The following STX18 variants were observed in gnomAD, a reference collection of about 807,000 sequenced individuals.
STX18 encodes syntaxin-18.
STX18 carries 40 observed loss-of-function variants against 50.1 expected under a neutral mutation model. The ratio of observed to expected loss-of-function variants is 0.80; its 90% CI spans 0.62 to 1.04. The LOEUF (loss-of-function observed/expected upper bound fraction) is 1.04, where lower values mean the gene tolerates loss of function less well. Among genes scored for constraint, STX18 ranks in the 50% least tolerant of loss-of-function variants. The pLI, the probability that STX18 is intolerant of heterozygous loss-of-function variation, is 0.00. For synonymous variants in STX18, 158 were observed against 151.8 expected (o/e 1.04, Z -0.30); for missense variants, 410 against 415.8 (o/e 0.99, Z 0.12).
intron 1 of STX18, among the ~76,000 whole-genome samples, chr4:4,491,416 A>G (rs980061713): frequency 2.0e-4 from 31 of 152,146 alleles, no homozygotes; most frequent in African/African-American, 7.5e-4. Context: ...CTAACGTAGG[A>G]AAAAGGATAT....
intron 1 of STX18, among the ~76,000 whole-genome samples, chr4:4,527,103 G>A (rs904035819): frequency 1.3e-5 from 2 of 152,128 alleles, no homozygotes; most frequent in African/African-American, 4.8e-5. Context: ...AGTACCCCAC[G>A]ACGCCTTCAT....
chr4:4,486,981 G>C (rs1445584285), intron 1 of STX18, among the ~76,000 whole-genome samples: 1 of 152,082 alleles, frequency 6.6e-6, no homozygotes, highest in African/African-American at 2.4e-5. Context: ...CAAAAGCTAT[G>C]AATCTGATCT....
At chr4:4,522,744 G>A (rs531110150) in intron 1 of STX18, among the ~76,000 whole-genome samples, 1 of 152,058 alleles carries the variant, frequency 6.6e-6, no homozygotes, top group Non-Finnish European at 1.5e-5. Context: ...CAAAGTCAGA[G>A]GTAAAATTAA....
intron 5 of STX18, among the ~76,000 whole-genome samples, chr4:4,451,393 G>A (rs761932727): frequency 7.2e-5 from 11 of 152,198 alleles, no homozygotes; most frequent in African/African-American, 1.4e-4. Flanking sequence ...AGATTTCAGC[G>A]TGGCTCTTAT....
chr4:4,431,636 C>G (rs1171932834), intron 7 of STX18, among the ~76,000 whole-genome samples: 1 of 152,198 alleles, frequency 6.6e-6, no homozygotes, highest in Non-Finnish European at 1.5e-5. Context: ...ATAGACACCT[C>G]TCATGAATGT....
At chr4:4,453,714 T>A (rs939681081) in intron 5 of STX18, 2 of 970,238 alleles carry the variant, frequency 2.1e-6, no homozygotes, top group African/African-American at 3.5e-5. Context: ...AATATCATAG[T>A]ACTATAATTT....
At chr4:4,468,587 C>T (rs1727746141) in intron 2 of STX18, among the ~76,000 whole-genome samples, 1 of 151,996 alleles carries the variant, frequency 6.6e-6, no homozygotes, top group African/African-American at 2.4e-5. Flanking sequence ...AGCCTGGGCT[C>T]GGTTACATTA....
intron 1 of STX18, among the ~76,000 whole-genome samples, chr4:4,506,694 T>C (rs529022164): frequency 2.0e-5 from 3 of 152,346 alleles, no homozygotes; most frequent in South Asian, 2.1e-4. Context: ...ACTATGTTTT[T>C]TCTATACATA....
In STX18 at chr4:4,434,802, C is replaced by T. The variant is rs141662322; in HGVS notation, c.670G>A (p.Glu224Lys). The change falls in exon 7 of 11, where the codon GAA becomes AAA. Residue 224 changes from glutamate (E) to lysine (K), a missense_variant. By Grantham distance (56) the Glu-to-Lys change is moderately conservative (BLOSUM62 1). Coordinates refer to ENST00000306200, the MANE Select transcript of STX18 (RefSeq NM_016930.4). Reference sequence around the variant, plus strand: ...ATTTCTTCTGGGGATAACTCATCTTCGCCTTTGCCATCTCCCCACGTTCCC... The same window carrying T: ...ATTTCTTCTGGGGATAACTCATCTTTGCCTTTGCCATCTCCCCACGTTCCC... ...ELGTWGDGKGEDELSPEEIQM... is the reference protein window; with the variant it reads ...ELGTWGDGKGKDELSPEEIQM... 10 of 1,606,710 alleles carry T rather than the reference C, an allele frequency of 6.2e-6. No individual in the cohort carries two copies. The highest frequency in any genetic ancestry group is 5.4e-5 in the African/African-American group (4 of 74,490).
At chr4:4,469,960 C>T (rs1316998820) in intron 2 of STX18, among the ~76,000 whole-genome samples, 2 of 152,130 alleles carry the variant, frequency 1.3e-5, no homozygotes, top group Admixed American at 1.3e-4. Context: ...CAAGCTTTCC[C>T]AGCACTCCCG....
intron 5 of STX18, among the ~76,000 whole-genome samples, chr4:4,446,353 CAA>C (rs1726408325): frequency 6.6e-6 from 1 of 152,004 alleles, no homozygotes; most frequent in East Asian, 1.9e-4. Flanking sequence ...TTCTGCTCAC[CAA>C]GAGACACCAT....
At chr4:4,421,034 C>T (rs1724932594) in intron 9 of STX18, 90 bp from the exon 10 acceptor site, 1 of 1,267,378 alleles carries the variant, frequency 7.9e-7, no homozygotes, top group Non-Finnish European at 1.1e-6. Context: ...CTTTGAGTGT[C>T]ATGTCAGCGC....
intron 2 of STX18, among the ~76,000 whole-genome samples, chr4:4,460,111 C>A (rs902934232): frequency 2.0e-5 from 3 of 152,090 alleles, no homozygotes; most frequent in African/African-American, 7.2e-5. Context: ...AGATACTTAC[C>A]CCACTCTAAC....
intron 1 of STX18, chr4:4,507,277 G>C: frequency 1.4e-6 from 1 of 708,690 alleles, no homozygotes; most frequent in South Asian, 1.4e-5. Flanking sequence ...CATCTCCCAG[G>C]CTCTTCTGGA....
At chr4:4,437,542 T>C in intron 6 of STX18, 1 of 912,850 alleles carries the variant, frequency 1.1e-6, no homozygotes, top group Non-Finnish European at 1.3e-6. Flanking sequence ...TCCAAAACAC[T>C]TCTGGTCCCA....
intron 1 of STX18, among the ~76,000 whole-genome samples, chr4:4,494,489 A>G (rs1729079927): frequency 6.6e-6 from 1 of 152,198 alleles, no homozygotes; most frequent in Non-Finnish European, 1.5e-5. Context: ...TACATTACAG[A>G]GCATATTCCA....
At chr4:4,510,703 T>C (rs1263351674) in intron 1 of STX18, among the ~76,000 whole-genome samples, 1 of 152,074 alleles carries the variant, frequency 6.6e-6, no homozygotes, top group African/African-American at 2.4e-5. Flanking sequence ...CACATGCACA[T>C]GTATGTTTTT....
At position 4,489,391 on chromosome 4, in the gene STX18, A is replaced by ATTTTTTTTTTTTT. The variant is rs34563523; in HGVS notation, c.169-17698_169-17686dup. ...AGCACTTCAATACACATGCAAAATA[A>ATTTTTTTTTTTTT]TTTTTTTTTTTTTTTTTTTTTTTTT... On this transcript the variant is annotated intron_variant, in intron 1 of 10. Coordinates refer to ENST00000306200, the MANE Select transcript of STX18 (RefSeq NM_016930.4). Among the ~76,000 whole-genome samples the ATTTTTTTTTTTTT allele has an allele frequency of 8.9e-4, 46 of 51,676 alleles. 7 individuals are homozygous for ATTTTTTTTTTTTT. Among genetic ancestry groups the ATTTTTTTTTTTTT allele is most frequent in the Non-Finnish European group, 1.3e-3 (34 of 26,642 alleles). 33.9% of individuals were successfully genotyped at this position (51,676 alleles called of 152,430 possible). A position where few individuals can be genotyped will look rare whatever the true frequency, so the allele number is the denominator to read the frequency against.
At chr4:4,439,073 C>G (rs573195162) in intron 5 of STX18, among the ~76,000 whole-genome samples, 1 of 149,696 alleles carries the variant, frequency 6.7e-6, no homozygotes, top group African/African-American at 2.5e-5. Flanking sequence ...TATACCCACA[C>G]ACATATATAC....
Sources: gnomAD v4.1 joint callset for allele counts (sites outside exome capture counted in the v4.1 genomes callset) on GRCh38, gnomAD v4.1.1 for gene constraint, MANE v1.5 for transcripts, NCBI Gene and HGNC (gene_info 2026-07-23, HGNC 2026-07-21) for gene names.